Variants in GP2 observed in about 807,000 individuals in gnomAD.
GP2 encodes the protein glycoprotein 2.
In GP2, 58 loss-of-function variants were observed where a neutral mutation model predicts 60.8. That is an observed-to-expected ratio of 0.95 (90% CI 0.77 to 1.19). The LOEUF (loss-of-function observed/expected upper bound fraction) is 1.19, where lower values mean the gene tolerates loss of function less well. GP2 is among the 50% of genes most tolerant of loss of function. GP2 has a pLI of 0.00. For missense variants in GP2, 647 were observed against 667.4 expected, an observed-to-expected ratio of 0.97 and a Z score of 0.34; for synonymous variants, 280 against 253.4, an observed-to-expected ratio of 1.10 and a Z score of -1.00.
At chr16:20,317,479 G>C in intron 7 of GP2, 104 bp from the exon 8 acceptor site, 1 of 815,372 alleles carries the variant, frequency 1.2e-6, no homozygotes, top group Non-Finnish European at 2.0e-6. Flanking sequence ...GACTTTTTCT[G>C]TTCCTCTGTT....
chr16:20,321,578 T>A (rs1029006462), intron 4 of GP2, among the ~76,000 whole-genome samples: 1 of 152,164 alleles, frequency 6.6e-6, no homozygotes. Flanking sequence ...CACAGTGGTA[T>A]GAAATTTGAA....
intron 4 of GP2, 79 bp from the exon 5 acceptor site, chr16:20,320,552 A>C: frequency 6.4e-5 from 58 of 906,028 alleles, no homozygotes; most frequent in Non-Finnish European, 9.4e-5. Context: ...TAACATCTCC[A>C]TGACCCAGAA....
intron 7 of GP2, 47 bp from the exon 8 acceptor site, chr16:20,317,422 G>A: frequency 6.7e-7 from 1 of 1,489,174 alleles, no homozygotes; most frequent in Non-Finnish European, 9.3e-7. Flanking sequence ...AAACAGCAGT[G>A]GAGAAAATTA....
At chr16:20,313,547 A>G (rs1374644944) in intron 10 of GP2, among the ~76,000 whole-genome samples, 1 of 151,962 alleles carries the variant, frequency 6.6e-6, no homozygotes, top group Non-Finnish European at 1.5e-5. Context: ...CCTCCGACTC[A>G]TTTTTCTCAA....
chr16:20,316,909 C>T (rs1964191388), intron 8 of GP2, among the ~76,000 whole-genome samples: 1 of 150,814 alleles, frequency 6.6e-6, no homozygotes, highest in African/African-American at 2.4e-5. Context: ...ATTCCTTTCT[C>T]CCTCTCTCTT....
chr16:20,319,782 A>T lies in GP2; in HGVS notation c.859-14T>A, dbSNP rs181071943. ...GGTTTGATTTCTCTTTGGCAAAAAA[A>T]CAAAACCATACAGATGTTTATGTGT... On this transcript the variant is annotated splice_polypyrimidine_tract_variant and intron_variant, in intron 5 of 10. Transcript: ENST00000302555. 9.0e-5 allele frequency: 145 copies of T among 1,602,560 alleles called. No homozygotes were observed. In the African/African-American group the frequency reaches 1.8e-3, roughly 20 times the overall value.
chr16:20,326,360 G>C lies in GP2; in HGVS notation c.72C>G (p.Thr24=). ...TACCTCGCTGCACTGCAGATGCCTG[G>C]GTCAGAATGCAGGAGACCAAGGCCA... ...LWLALVSCIL[T]QASAVQRGYG... The change falls in exon 2 of 11, where the codon ACC becomes ACG. Residue 24 remains threonine (T), a synonymous_variant. Transcript: ENST00000302555. 2 of 1,613,866 alleles carry C rather than the reference G, an allele frequency of 1.2e-6. No individual in the cohort carries two copies. The highest frequency in any genetic ancestry group is 1.7e-6 in the Non-Finnish European group (2 of 1,179,794).
chr16:20,316,444 G>A (rs556902556), intron 8 of GP2, among the ~76,000 whole-genome samples: 6 of 152,332 alleles, frequency 3.9e-5, no homozygotes, highest in Admixed American at 3.9e-4. Flanking sequence ...CCACCTCTCG[G>A]CTGGGGCACA....
chr16:20,326,594 C>A (rs367661316), intron 1 of GP2, 127 bp from the exon 2 acceptor site: 11 of 728,038 alleles, frequency 1.5e-5, no homozygotes, highest in Non-Finnish European at 2.0e-5. Context: ...ACAGATAGAG[C>A]GAGATAATGG....
chr16:20,320,158 G>T (rs928805243), intron 5 of GP2, 104 bp downstream of exon 5: 11 of 812,198 alleles, frequency 1.4e-5, no homozygotes, highest in Non-Finnish European at 2.1e-5. Flanking sequence ...AACCCTGGGG[G>T]CTCAGGGAAG....
In GP2 at chr16:20,318,203, T is replaced by C; in HGVS notation, c.1235A>G (p.Tyr412Cys). The change falls in exon 7 of 11, where the codon TAT becomes TGT. Residue 412 changes from tyrosine (Y) to cysteine (C), a missense_variant. Transcript: ENST00000302555. ...TCGTTACCTGTTTCTGATGATGAAATACTTCACAAGGTCAGCCTTGTCTTC... is the reference window on the plus strand; with the variant it reads ...TCGTTACCTGTTTCTGATGATGAAACACTTCACAAGGTCAGCCTTGTCTTC... ...PTEDKADLVK[Y>C]FIIRNSCSNQ... The C allele has an allele frequency of 6.2e-7, 1 of 1,613,450 alleles. No individual in the cohort carries two copies.
At chr16:20,312,198 C>T (rs934929376) in intron 10 of GP2, among the ~76,000 whole-genome samples, 3 of 152,120 alleles carry the variant, frequency 2.0e-5, no homozygotes, top group Non-Finnish European at 4.4e-5. Context: ...CAGTGAAGGA[C>T]GTGGATCCCA....
Position 20,318,175 on chromosome 16 carries a change from T to A in GP2, c.1253+10A>T, listed in dbSNP as rs1964243235. 5.6e-6 allele frequency: 9 copies of A among 1,611,244 alleles called. No individual in the cohort carries two copies. The highest frequency in any genetic ancestry group is 7.6e-6 in the Non-Finnish European group (9 of 1,177,374). Reference sequence around the variant, plus strand: ...TAAGGCCAAATGATAATTCCAGAATTGCTCGTTACCTGTTTCTGATGATGA... The same window carrying A: ...TAAGGCCAAATGATAATTCCAGAATAGCTCGTTACCTGTTTCTGATGATGA... On this transcript the variant is annotated intron_variant, in intron 7 of 10. Coordinates refer to ENST00000302555, the MANE Select transcript of GP2 (RefSeq NM_001502.4).
At chr16:20,314,100 C>A (rs1039908568) in intron 10 of GP2, among the ~76,000 whole-genome samples, 4 of 152,018 alleles carry the variant, frequency 2.6e-5, no homozygotes, top group Non-Finnish European at 5.9e-5. Flanking sequence ...GGAGGGAGAG[C>A]ATTAGGACAA....
At position 20,320,346 on chromosome 16, in the gene GP2, G is replaced by T. The variant is rs199953229; in HGVS notation, c.774C>A (p.Cys258Ter). The T allele has an allele frequency of 1.4e-5, 22 of 1,614,050 alleles. No individual in the cohort carries two copies. Among genetic ancestry groups the T allele is most frequent in the Middle Eastern group, 1.6e-4 (1 of 6,062 alleles). ...EVIAYLRDPN[C>*]SSILQTEERN... The stretch of plus-strand genomic sequence containing the variant: ...TCTCCTCTGTCTGCAAGATGCTGCT[G>T]CAGTTTGGGTCTCGCAGGTAGGCAA... The change falls in exon 5 of 11, where the codon TGC becomes TGA. Residue 258 changes from cysteine (C) to a stop codon, truncating the protein, a stop_gained. Coordinates refer to ENST00000302555, the MANE Select transcript of GP2 (RefSeq NM_001502.4). LOFTEE classifies it high-confidence loss of function.
chr16:20,321,400 A>G (rs1254021260), intron 4 of GP2, among the ~76,000 whole-genome samples: 1 of 152,212 alleles, frequency 6.6e-6, no homozygotes, highest in Non-Finnish European at 1.5e-5. Flanking sequence ...TGAAGTAAAT[A>G]AGGCATGGAC....
intron 1 of GP2, among the ~76,000 whole-genome samples, chr16:20,327,147 A>T (rs895760443): frequency 6.6e-6 from 1 of 152,206 alleles, no homozygotes; most frequent in Non-Finnish European, 1.5e-5. Flanking sequence ...TACCATGAGT[A>T]TGCTATGAGA....
intron 10 of GP2, among the ~76,000 whole-genome samples, chr16:20,312,980 T>G (rs1328013084): frequency 1.3e-5 from 2 of 152,092 alleles, no homozygotes; most frequent in Non-Finnish European, 2.9e-5. Context: ...CTCTAACCAC[T>G]CCTCTCAATG....
chr16:20,326,744 A>G (rs1465414769), intron 1 of GP2: 8 of 274,994 alleles, frequency 2.9e-5, no homozygotes, highest in Non-Finnish European at 5.5e-5. Context: ...AAAAAGGGAT[A>G]TGGTACCTGT....
Sources: allele counts gnomAD v4.1 joint callset (sites outside exome capture counted in the v4.1 genomes callset), GRCh38; gene constraint gnomAD v4.1.1; transcripts MANE v1.5; gene names NCBI Gene and HGNC (gene_info 2026-07-23, HGNC 2026-07-21).